SRPK2: variants seen among roughly 807,000 people sequenced by gnomAD.
SRPK2 encodes the protein SRSF protein kinase 2, also known as SFRS protein kinase 2.
Under a neutral mutation model 90.8 loss-of-function variants are expected in SRPK2, and 21 were observed. The observed-to-expected ratio is 0.23, with a 90% confidence interval of 0.16 to 0.33. The LOEUF (loss-of-function observed/expected upper bound fraction) is 0.33, where lower values mean the gene tolerates loss of function less well. SRPK2 is among the 10% of genes least tolerant of loss of function. The pLI is 1.00. For missense variants in SRPK2, 620 were observed against 869.0 expected (o/e 0.71, Z 3.60); for synonymous variants, 288 against 311.1 (o/e 0.93, Z 0.78).
At chr7:105,136,370 T>G (rs1234899632) in intron 11 of SRPK2, among the ~76,000 whole-genome samples, 1 of 152,224 alleles carries the variant, frequency 6.6e-6, no homozygotes, top group Non-Finnish European at 1.5e-5. Flanking sequence ...TCACACCTCC[T>G]CTGACTGAGT....
intron 2 of SRPK2, among the ~76,000 whole-genome samples, chr7:105,210,364 T>C (rs994996545): frequency 1.2e-4 from 18 of 152,136 alleles, no homozygotes; most frequent in African/African-American, 4.1e-4. Flanking sequence ...ATCTATAACT[T>C]TTCTCTCTCC....
rs985521410 is a variant in SRPK2, at chr7:105,355,963, A to C, written c.71+32685T>G. ...CTTGGGAGGCTGAGGCAGGAGAATCACCTGAAACTGGAAGGCAGAAGTTTC... is the reference window on the plus strand; with the variant it reads ...CTTGGGAGGCTGAGGCAGGAGAATCCCCTGAAACTGGAAGGCAGAAGTTTC... On this transcript the variant is annotated intron_variant, in intron 2 of 15. Coordinates refer to ENST00000393651, the MANE Select transcript of SRPK2 (RefSeq NM_182692.3). 1.1e-4 allele frequency among the ~76,000 whole-genome samples: 17 copies of C among 152,212 alleles called. No individual in the cohort carries two copies. In the East Asian group the frequency reaches 3.1e-3, roughly 28 times the overall value.
At chr7:105,287,754 A>G (rs952905889) in intron 2 of SRPK2, among the ~76,000 whole-genome samples, 1 of 152,196 alleles carries the variant, frequency 6.6e-6, no homozygotes, top group African/African-American at 2.4e-5. Context: ...AAAATAAAAA[A>G]TAACTATAAA....
chr7:105,218,522 G>C (rs938605956), intron 2 of SRPK2, among the ~76,000 whole-genome samples: 2 of 152,146 alleles, frequency 1.3e-5, no homozygotes, highest in African/African-American at 4.8e-5. Flanking sequence ...CCAAACACAA[G>C]TAAGGAAAGT....
chr7:105,291,265 G>A (rs911201262), intron 2 of SRPK2, among the ~76,000 whole-genome samples: 1 of 152,162 alleles, frequency 6.6e-6, no homozygotes, highest in South Asian at 2.1e-4. Context: ...CTTTTAAGTA[G>A]GGCAGAAATA....
chr7:105,343,623 C>T (rs986061337), intron 2 of SRPK2, among the ~76,000 whole-genome samples: 2 of 151,958 alleles, frequency 1.3e-5, no homozygotes, highest in African/African-American at 4.9e-5. Context: ...TAATTTCCTA[C>T]ATACGTTTTC....
At chr7:105,120,677 T>G (rs1214107065) in intron 15 of SRPK2, among the ~76,000 whole-genome samples, 1 of 151,950 alleles carries the variant, frequency 6.6e-6, no homozygotes, top group Non-Finnish European at 1.5e-5. Flanking sequence ...ATGTGTGGAC[T>G]TTTTTTGTGG....
chr7:105,201,523 TA>T (rs1315558568), intron 3 of SRPK2, among the ~76,000 whole-genome samples: 1 of 151,798 alleles, frequency 6.6e-6, no homozygotes, highest in Non-Finnish European at 1.5e-5. Flanking sequence ...CTGACCCACA[TA>T]CTTAAGATCC....
chr7:105,363,881 G>C (rs1318899376), intron 2 of SRPK2, among the ~76,000 whole-genome samples: 1 of 152,104 alleles, frequency 6.6e-6, no homozygotes, highest in East Asian at 1.9e-4. Context: ...CATGTGCTTT[G>C]CAGGGACATG....
intron 2 of SRPK2, among the ~76,000 whole-genome samples, chr7:105,279,277 C>T (rs1243923616): frequency 1.4e-5 from 2 of 139,152 alleles, no homozygotes; most frequent in African/African-American, 5.0e-5. Flanking sequence ...TAGTCTCAGG[C>T]TGGTTAGGTT....
intron 3 of SRPK2, among the ~76,000 whole-genome samples, chr7:105,187,982 A>G (rs1191386872): frequency 6.6e-6 from 1 of 152,226 alleles, no homozygotes; most frequent in South Asian, 2.1e-4. Flanking sequence ...ATAATCTGAC[A>G]GCTCCTTAAG....
intron 7 of SRPK2, among the ~76,000 whole-genome samples, chr7:105,158,085 A>C (rs1696920496): frequency 6.6e-6 from 1 of 152,084 alleles, no homozygotes; most frequent in Non-Finnish European, 1.5e-5. Flanking sequence ...AACAAAATGA[A>C]GAACACAGGT....
intron 4 of SRPK2, 33 bp downstream of exon 4, chr7:105,169,124 G>C: frequency 6.3e-7 from 1 of 1,579,760 alleles, no homozygotes; most frequent in African/African-American, 1.4e-5. Flanking sequence ...ACTACTCCAG[G>C]AAACAAATGC....
At chr7:105,233,589 A>T (rs940525735) in intron 2 of SRPK2, among the ~76,000 whole-genome samples, 9 of 152,212 alleles carry the variant, frequency 5.9e-5, no homozygotes, top group Admixed American at 5.9e-4. Flanking sequence ...GCAGTGGCTC[A>T]CACCTGTTAT....
At chr7:105,222,077 G>C (rs1798161377) in intron 2 of SRPK2, among the ~76,000 whole-genome samples, 1 of 152,140 alleles carries the variant, frequency 6.6e-6, no homozygotes, top group Admixed American at 6.5e-5. Flanking sequence ...TTTGTTTCCA[G>C]TCTTGGGAAG....
intron 2 of SRPK2, among the ~76,000 whole-genome samples, chr7:105,322,387 A>G (rs1396754926): frequency 6.6e-6 from 1 of 152,216 alleles, no homozygotes; most frequent in Non-Finnish European, 1.5e-5. Flanking sequence ...ACGGCACTTC[A>G]GCCTGGGCGA....
chr7:105,172,149 C>A (rs957406341), intron 3 of SRPK2, among the ~76,000 whole-genome samples: 6 of 152,206 alleles, frequency 3.9e-5, no homozygotes, highest in Admixed American at 3.9e-4. Flanking sequence ...CCACCTTGGC[C>A]TCCCAAAATG....
At chr7:105,315,000 G>A (rs1812156433) in intron 2 of SRPK2, among the ~76,000 whole-genome samples, 1 of 152,072 alleles carries the variant, frequency 6.6e-6, no homozygotes. Flanking sequence ...TTATGAGCTG[G>A]GTGCAGTGGC....
chr7:105,322,644 C>G (rs1240552271), intron 2 of SRPK2, among the ~76,000 whole-genome samples: 3 of 151,838 alleles, frequency 2.0e-5, no homozygotes, highest in East Asian at 3.9e-4. Context: ...CATCTTGGAA[C>G]TAGACAGAAG....
Sources: gnomAD v4.1 joint callset for allele counts (sites outside exome capture counted in the v4.1 genomes callset) on GRCh38, gnomAD v4.1.1 for gene constraint, MANE v1.5 for transcripts, NCBI Gene and HGNC (gene_info 2026-07-23, HGNC 2026-07-21) for gene names.